The following ATP6V1C2 variants were observed in gnomAD, a reference collection of about 807,000 sequenced individuals.
ATP6V1C2 encodes V-type proton ATPase subunit C 2.
Under a neutral mutation model 56.8 loss-of-function variants are expected in ATP6V1C2, and 45 were observed. The observed-to-expected ratio is 0.79, with a 90% CI of 0.62 to 1.02. The LOEUF (loss-of-function observed/expected upper bound fraction) is 1.02, where lower values mean the gene tolerates loss of function less well. Among genes scored for constraint, ATP6V1C2 ranks in the 50% least tolerant of loss-of-function variants. The pLI is 0.00. For missense variants in ATP6V1C2, 463 were observed against 519.7 expected (o/e 0.89, Z 1.06); for synonymous variants, 220 against 201.3 (o/e 1.09, Z -0.79).
chr2:10,748,773 G>C (rs1663052867), intron 3 of ATP6V1C2, among the ~76,000 whole-genome samples: 1 of 152,208 alleles, frequency 6.6e-6, no homozygotes, highest in East Asian at 1.9e-4. Flanking sequence ...TTAGCTCTCT[G>C]AGTCTTAATT....
chr2:10,748,346 A>G (rs1663032303), intron 3 of ATP6V1C2, among the ~76,000 whole-genome samples: 2 of 152,320 alleles, frequency 1.3e-5, no homozygotes, highest in African/African-American at 2.4e-5. Flanking sequence ...TGTTTTCCTC[A>G]GTGCGTTGCA....
chr2:10,759,920 A>G (rs1663798855), intron 4 of ATP6V1C2, among the ~76,000 whole-genome samples: 1 of 152,212 alleles, frequency 6.6e-6, no homozygotes, highest in Admixed American at 6.5e-5. Context: ...TACTGGTTCA[A>G]AAGCCCTAGT....
chr2:10,747,152 C>T lies in ATP6V1C2; in HGVS notation c.198-6829C>T, dbSNP rs184925459. Among the ~76,000 whole-genome samples, 691 of 152,188 alleles carry T rather than the reference C, an allele frequency of 4.5e-3. 8 individuals carry two copies. Among genetic ancestry groups the T allele is most frequent in the African/African-American group, 0.016 (663 of 41,514 alleles). ...TCATGGTGGTGCATGCCTGTAATCC[C>T]AGCTACTCGGGAGGCTGAGGCAGGA... On this transcript the variant is annotated intron_variant, in intron 3 of 13. Transcript: ENST00000272238.
rs905253170 is a variant in ATP6V1C2, at chr2:10,777,499, C to T, written c.826-86C>T. 29 of 1,533,750 alleles carry T rather than the reference C, an allele frequency of 1.9e-5. 1 individual carries two copies. The highest frequency in any genetic ancestry group is 9.0e-5 in the East Asian group (4 of 44,322). ...GGGCCTGAATTCCTGAGCTTGCTCT[C>T]GCGTGCCTTTCAGGCGATGAGAATG... On this transcript the variant is annotated intron_variant, in intron 10 of 13. Coordinates refer to ENST00000272238, the MANE Select transcript of ATP6V1C2 (RefSeq NM_001039362.2).
rs1229629367 is a variant in ATP6V1C2, at chr2:10,726,544, G to A, written c.172G>A (p.Gly58Arg). The A allele has an allele frequency of 6.2e-7, 1 of 1,613,906 alleles. No homozygotes were observed. The highest frequency in any genetic ancestry group is 8.5e-7 in the Non-Finnish European group (1 of 1,179,874). ...CCTGGTTGGCCTCTCTGATGAGTTG[G>A]GGAAACTCGACACCTTTGCTGAAAG... ...DSLVGLSDEL[G>R]KLDTFAESLI... The change falls in exon 3 of 14, where the codon GGG (glycine) becomes AGG (arginine). Residue 58 changes from glycine (G) to arginine (R), a missense_variant. Coordinates refer to ENST00000272238, the MANE Select transcript of ATP6V1C2 (RefSeq NM_001039362.2).
intron 3 of ATP6V1C2, among the ~76,000 whole-genome samples, chr2:10,749,295 G>A (rs1367623552): frequency 6.6e-6 from 1 of 152,002 alleles, no homozygotes; most frequent in Non-Finnish European, 1.5e-5. Context: ...AGGAGTTCAA[G>A]ACCGGTCTGG....
chr2:10,736,187 C>T (rs993704647), intron 3 of ATP6V1C2, among the ~76,000 whole-genome samples: 3 of 152,190 alleles, frequency 2.0e-5, no homozygotes, highest in Admixed American at 6.5e-5. Flanking sequence ...GATACTGATG[C>T]TGCGGGCCCT....
chr2:10,743,731 T>A (rs1006753759), intron 3 of ATP6V1C2, among the ~76,000 whole-genome samples: 18 of 151,814 alleles, frequency 1.2e-4, no homozygotes, highest in Admixed American at 1.1e-3. Context: ...ACGCCTGTAA[T>A]CCCAGCACTT....
chr2:10,736,949 A>G (rs971545973), intron 3 of ATP6V1C2, among the ~76,000 whole-genome samples: 1 of 151,912 alleles, frequency 6.6e-6, no homozygotes, highest in Non-Finnish European at 1.5e-5. Context: ...GGGTTTCACT[A>G]TGTTGCCTAG....
At position 10,780,485 on chromosome 2, in the gene ATP6V1C2, C is replaced by A. The variant is rs976395710; in HGVS notation, c.1062-1758C>A. Among the ~76,000 whole-genome samples, 2 of 152,180 alleles carry A rather than the reference C, an allele frequency of 1.3e-5. No homozygotes were observed. Among genetic ancestry groups the A allele is most frequent in the Admixed American group, 1.3e-4 (2 of 15,270 alleles). On this transcript the variant is annotated intron_variant, in intron 12 of 13. Transcript: ENST00000272238. This position sits in a 1 kb window ranked among gnomAD's most constrained non-coding sequence, Gnocchi z 4.1. ...GCCCTGCACATGCACCGCACCCACA[C>A]CTGTACCCATGCGCACCTGTGCACG...
At chr2:10,754,803 C>T (rs903407172) in intron 4 of ATP6V1C2, among the ~76,000 whole-genome samples, 3 of 152,022 alleles carry the variant, frequency 2.0e-5, no homozygotes, top group African/African-American at 7.2e-5. Context: ...TGGTCTTGAT[C>T]TCCTGACCTT....
At chr2:10,754,202 A>G (rs1233867474) in intron 4 of ATP6V1C2, 136 bp downstream of exon 4, 1 of 638,142 alleles carries the variant, frequency 1.6e-6, no homozygotes, top group African/African-American at 1.8e-5. Flanking sequence ...CACATTGGGC[A>G]GAGGCTCTGC....
intron 3 of ATP6V1C2, among the ~76,000 whole-genome samples, chr2:10,734,199 C>G (rs907698689): frequency 2.6e-5 from 4 of 152,136 alleles, no homozygotes; most frequent in Non-Finnish European, 5.9e-5. Flanking sequence ...CTCCCACTTT[C>G]CATGGCGGCT....
At position 10,763,496 on chromosome 2, in the gene ATP6V1C2, C is replaced by T. The variant is rs995341748; in HGVS notation, c.284-835C>T. ...AGCAGGGTGATGGGTGTGGAGTGAG[C>T]GTGACAGTCCCCTTTCATGCACCAG... On this transcript the variant is annotated intron_variant, in intron 4 of 13. Coordinates refer to ENST00000272238, the MANE Select transcript of ATP6V1C2 (RefSeq NM_001039362.2). This position sits in a 1 kb window ranked among gnomAD's most constrained non-coding sequence, Gnocchi z 4.2. 2.0e-5 allele frequency among the ~76,000 whole-genome samples: 3 copies of T among 152,122 alleles called. No individual in the cohort carries two copies. Among genetic ancestry groups the T allele is most frequent in the East Asian group, 1.9e-4 (1 of 5,184 alleles).
In ATP6V1C2 at chr2:10,771,931, TC is replaced by T. The variant is rs1275569489; in HGVS notation, c.567del (p.Lys190AsnfsTer37). 3 of 1,613,656 alleles carry T rather than the reference TC, an allele frequency of 1.9e-6. No homozygotes were observed. Among genetic ancestry groups the T allele is most frequent in the Non-Finnish European group, 2.5e-6 (3 of 1,179,664 alleles). On this transcript the variant is annotated frameshift_variant, in exon 7 of 14. Coordinates refer to ENST00000272238, the MANE Select transcript of ATP6V1C2 (RefSeq NM_001039362.2). LOFTEE classifies it high-confidence loss of function. ...SEYLVTLLVI[V>X]PKPNYSQWQK... is the part of the protein sequence containing the mutation. ...TATCTCGTCACACTTCTGGTCATCG[TC>T]CCCAAGTGAGTGCTGGGCGATCACG...
At chr2:10,737,959 G>T (rs1041889557) in intron 3 of ATP6V1C2, among the ~76,000 whole-genome samples, 1 of 152,116 alleles carries the variant, frequency 6.6e-6, no homozygotes, top group East Asian at 1.9e-4. Flanking sequence ...CCAAAATGCC[G>T]AAATTACAGG....
At chr2:10,746,601 G>A (rs189132435) in intron 3 of ATP6V1C2, among the ~76,000 whole-genome samples, 224 of 152,068 alleles carry the variant, frequency 1.5e-3, no homozygotes, top group Middle Eastern at 3.4e-3. Context: ...TTAGTGAGAT[G>A]TGGTTTCACC....
chr2:10,784,019 ATAT>A lies in ATP6V1C2; in HGVS notation c.*760_*762del, dbSNP rs1237722859. ...TTTCGACAGCCAAGTTTTCTTCAAA[ATAT>A]TATGTGACAGAATACGACTCAATTC... On this transcript the variant is annotated 3_prime_UTR_variant, in exon 14 of 14. Coordinates refer to ENST00000272238, the MANE Select transcript of ATP6V1C2 (RefSeq NM_001039362.2). The A allele has an allele frequency of 5.8e-6, 2 of 342,364 alleles. No homozygotes were observed. The highest frequency in any genetic ancestry group is 2.1e-5 in the African/African-American group (1 of 47,416). 21.2% of individuals were successfully genotyped at this position (342,364 alleles called of 1,614,324 possible).
chr2:10,757,509 C>G (rs899338570), intron 4 of ATP6V1C2: 2 of 398,416 alleles, frequency 5.0e-6, no homozygotes, highest in Non-Finnish European at 8.8e-6. Flanking sequence ...CCCGCATGTC[C>G]CGGGAAGGTG....
Sources: allele counts gnomAD v4.1 joint callset (sites outside exome capture counted in the v4.1 genomes callset), GRCh38; gene constraint gnomAD v4.1.1; non-coding constraint Gnocchi (gnomAD v3.1); transcripts MANE v1.5; gene names NCBI Gene and HGNC (gene_info 2026-07-23, HGNC 2026-07-21).